The following ACSS2 variants were observed in gnomAD, a reference collection of about 807,000 sequenced individuals.
ACSS2 encodes the protein acetyl-coenzyme A synthetase, cytoplasmic.
Under a neutral mutation model 90.6 loss-of-function variants are expected in ACSS2, and 58 were observed. The ratio of observed to expected loss-of-function variants is 0.64; its 90% CI spans 0.52 to 0.80. The LOEUF is 0.80. Among genes scored for constraint, ACSS2 ranks in the 30% least tolerant of loss-of-function variants. ACSS2 has a pLI of 0.00. For missense variants in ACSS2, 759 were observed against 912.0 expected, an observed-to-expected ratio of 0.83 and a Z score of 2.16; for synonymous variants, 300 against 330.9, an observed-to-expected ratio of 0.91 and a Z score of 1.01.
At chr20:34,876,486 C>A (rs1364606942), upstream of ACSS2, 16 of 781,920 alleles carry the variant, frequency 2.0e-5, no homozygotes, top group Non-Finnish European at 2.8e-5. Context: ...CAGACACGGC[C>A]CCGCCCCCTC....
intron 2 of ACSS2, among the ~76,000 whole-genome samples, chr20:34,883,427 G>A (rs1372231140): frequency 6.6e-6 from 1 of 152,136 alleles, no homozygotes; most frequent in East Asian, 1.9e-4. Flanking sequence ...AATTATGAAA[G>A]CACTATTTGT....
chr20:34,899,015 C>T (rs2147022898), intron 2 of ACSS2, among the ~76,000 whole-genome samples: 1 of 152,342 alleles, frequency 6.6e-6, no homozygotes, highest in Admixed American at 6.5e-5. Context: ...TGCTGGGGTA[C>T]CCAGTACACC....
upstream of ACSS2, chr20:34,876,595 C>A: frequency 7.7e-7 from 1 of 1,294,128 alleles, no homozygotes; most frequent in Non-Finnish European, 9.9e-7. Flanking sequence ...TTCTCAGTCC[C>A]GGCACCCGCC....
intron 2 of ACSS2, among the ~76,000 whole-genome samples, chr20:34,897,949 C>T (rs1419232530): frequency 6.6e-6 from 1 of 152,158 alleles, no homozygotes; most frequent in African/African-American, 2.4e-5. Flanking sequence ...TTCTTGGTCT[C>T]ACTGACTTCA....
chr20:34,888,067 CAAAAAAAAA>C (rs34578238), intron 2 of ACSS2, among the ~76,000 whole-genome samples: 3 of 62,518 alleles, frequency 4.8e-5, no homozygotes, highest in African/African-American at 1.3e-4. Flanking sequence ...AAGACTCCAT[CAAAAAAAAA>C]AAAAAAAAAA....
At chr20:34,886,367 C>T (rs557809187) in intron 2 of ACSS2, among the ~76,000 whole-genome samples, 1 of 152,024 alleles carries the variant, frequency 6.6e-6, no homozygotes, top group East Asian at 1.9e-4. Context: ...ACCTGTAATC[C>T]CAACACTTTG....
intron 2 of ACSS2, among the ~76,000 whole-genome samples, chr20:34,902,373 T>C (rs2080683797): frequency 6.6e-6 from 1 of 151,914 alleles, no homozygotes; most frequent in Admixed American, 6.6e-5. Context: ...TTGAGAAAAA[T>C]GCTGTGAAGA....
upstream of ACSS2, chr20:34,876,534 CT>C (rs2146948131): frequency 8.1e-7 from 1 of 1,239,036 alleles, no homozygotes; most frequent in Admixed American, 4.2e-5. Context: ...CACTCCCCCA[CT>C]CACCAGGCCC....
At chr20:34,902,463 A>G (rs1212245917) in intron 2 of ACSS2, among the ~76,000 whole-genome samples, 1 of 152,140 alleles carries the variant, frequency 6.6e-6, no homozygotes, top group Non-Finnish European at 1.5e-5. Flanking sequence ...AGGAAGTGAC[A>G]TTTAAGCTGA....
chr20:34,906,133 A>C (rs1186516457), intron 2 of ACSS2, among the ~76,000 whole-genome samples: 1 of 152,088 alleles, frequency 6.6e-6, no homozygotes, highest in Non-Finnish European at 1.5e-5. Context: ...CAAGAGATTG[A>C]GACCATCCTG....
rs1017668331 is a variant in ACSS2 at position 34,921,037 on chromosome 20, A to G, written c.1175A>G (p.Asn392Ser). Reference sequence around the variant, plus strand: ...GGGATTCCCACATATCCGGACGTGAACCGCCTGTGGAGCATTGTGGACAAA... The same window carrying G: ...GGGATTCCCACATATCCGGACGTGAGCCGCCTGTGGAGCATTGTGGACAAA... ...FEGIPTYPDV[N>S]RLWSIVDKYK... The change falls in exon 10 of 18, where the codon AAC (asparagine) becomes AGC (serine). Residue 392 changes from asparagine (N) to serine (S), a missense_variant. By Grantham distance (46) the Asn-to-Ser change is conservative (BLOSUM62 1). Transcript: ENST00000360596. 1 of 1,613,970 alleles carries G rather than the reference A, an allele frequency of 6.2e-7. No homozygotes were observed. The highest frequency in any genetic ancestry group is 1.3e-5 in the African/African-American group (1 of 74,896).
At chr20:34,925,468 T>A (rs575522459) in intron 14 of ACSS2, among the ~76,000 whole-genome samples, 1 of 152,152 alleles carries the variant, frequency 6.6e-6, no homozygotes, top group South Asian at 2.1e-4. Context: ...TGCCAAATCC[T>A]ATGATGACAC....
chr20:34,906,724 T>G (rs1462431302), intron 2 of ACSS2, among the ~76,000 whole-genome samples: 1 of 152,118 alleles, frequency 6.6e-6, no homozygotes, highest in Non-Finnish European at 1.5e-5. Context: ...GGCTCACGCC[T>G]GTAATCCCAG....
At chr20:34,878,408 A>T (rs1243599355) in intron 1 of ACSS2, among the ~76,000 whole-genome samples, 1 of 152,204 alleles carries the variant, frequency 6.6e-6, no homozygotes, top group Non-Finnish European at 1.5e-5. Flanking sequence ...CTTTTCTTCC[A>T]TCTATAAGAT....
chr20:34,881,032 T>A (rs2080059835), intron 1 of ACSS2, among the ~76,000 whole-genome samples: 1 of 143,724 alleles, frequency 7.0e-6, no homozygotes. Context: ...TTTTTTTTTT[T>A]TTTTTTTTTT....
intron 16 of ACSS2, among the ~76,000 whole-genome samples, chr20:34,926,648 TG>T (rs1399245407): frequency 6.6e-6 from 1 of 152,106 alleles, no homozygotes; most frequent in African/African-American, 2.4e-5. Flanking sequence ...GCTAGAAAGG[TG>T]GCATTTAAAC....
At chr20:34,884,568 G>T (rs895367487) in intron 2 of ACSS2, among the ~76,000 whole-genome samples, 5 of 152,152 alleles carry the variant, frequency 3.3e-5, no homozygotes, top group African/African-American at 1.2e-4. Flanking sequence ...TTGTTTATTG[G>T]AAAACACTGT....
intron 7 of ACSS2, among the ~76,000 whole-genome samples, chr20:34,916,835 C>G (rs563992754): frequency 1.3e-5 from 2 of 152,320 alleles, no homozygotes; most frequent in East Asian, 3.9e-4. Context: ...TATGAGCTCC[C>G]TCATATTCCT....
chr20:34,921,419 C>T lies in ACSS2; in HGVS notation c.1367C>T (p.Ala456Val), dbSNP rs757594360. The T allele has an allele frequency of 6.2e-7, 1 of 1,614,162 alleles. No homozygotes were observed. ...AWLWYHRVVG[A>V]QRCPIVDTFW... Reference sequence around the variant, plus strand: ...CTATGGTACCACCGGGTGGTAGGTGCCCAGCGCTGCCCCATCGTGGACACC... The same window carrying T: ...CTATGGTACCACCGGGTGGTAGGTGTCCAGCGCTGCCCCATCGTGGACACC... The change falls in exon 11 of 18, where the codon GCC becomes GTC. Residue 456 changes from alanine to valine, a missense_variant. Ala to Val is a moderately conservative substitution (Grantham distance 64). Coordinates refer to ENST00000360596, the MANE Select transcript of ACSS2 (RefSeq NM_018677.4).
Sources: allele counts gnomAD v4.1 joint callset (sites outside exome capture counted in the v4.1 genomes callset), GRCh38; gene constraint gnomAD v4.1.1; transcripts MANE v1.5; gene names NCBI Gene and HGNC (gene_info 2026-07-23, HGNC 2026-07-21).